CAMKMT: variants seen among roughly 807,000 people sequenced by gnomAD.
CAMKMT encodes the protein CaM KMT.
In CAMKMT, 53 loss-of-function variants were observed where a neutral mutation model predicts 48.0. The ratio of observed to expected loss-of-function variants is 1.10; its 90% CI spans 0.89 to 1.39. The LOEUF (loss-of-function observed/expected upper bound fraction) is 1.39, where lower values mean the gene tolerates loss of function less well. CAMKMT is among the 40% of genes most tolerant of loss of function. The pLI is 0.00. For missense variants in CAMKMT, 428 were observed against 402.7 expected (o/e 1.06, Z -0.54); for synonymous variants, 165 against 152.3 (o/e 1.08, Z -0.61).
At position 44,772,187 on chromosome 2, in the gene CAMKMT, A is replaced by C; in HGVS notation, c.*74A>C. 3 of 1,300,920 alleles carry C rather than the reference A, an allele frequency of 2.3e-6. No homozygotes were observed. The highest frequency in any genetic ancestry group is 3.3e-6 in the Non-Finnish European group (3 of 903,320). The allele number at this position is 1,300,920 out of a possible 1,614,324, so 80.6% of individuals were successfully genotyped here. A position where few individuals can be genotyped will look rare whatever the true frequency, so the allele number is the denominator to read the frequency against. On this transcript the variant is annotated 3_prime_UTR_variant, in exon 11 of 11. Transcript: ENST00000378494. The stretch of plus-strand genomic sequence containing the variant: ...TATTTTTACAAAAACGGAAATCTGT[A>C]AGGGGTATAATCGCCTGCCTGCGCC...
chr2:44,549,590 C>T, intron 3 of CAMKMT: 1 of 688,104 alleles, frequency 1.5e-6, no homozygotes, highest in East Asian at 2.7e-5. Flanking sequence ...GGCTGGAGTG[C>T]AGTGGTGATC....
chr2:44,662,447 G>A (rs1674732436), intron 3 of CAMKMT, among the ~76,000 whole-genome samples: 1 of 152,184 alleles, frequency 6.6e-6, no homozygotes, highest in Non-Finnish European at 1.5e-5. Context: ...AATGGAAATT[G>A]TGTCTTAGTC....
intron 3 of CAMKMT, among the ~76,000 whole-genome samples, chr2:44,492,824 G>T (rs1669572731): frequency 6.6e-6 from 1 of 151,638 alleles, no homozygotes; most frequent in Non-Finnish European, 1.5e-5. Context: ...TACTGTAGCA[G>T]AATATGCTTC....
intron 3 of CAMKMT, among the ~76,000 whole-genome samples, chr2:44,646,486 A>G (rs1673740665): frequency 6.6e-6 from 1 of 152,168 alleles, no homozygotes; most frequent in African/African-American, 2.4e-5. Flanking sequence ...TCTGAAGCTG[A>G]ATTAGTACTG....
intron 3 of CAMKMT, among the ~76,000 whole-genome samples, chr2:44,510,136 G>C (rs184018210): frequency 6.6e-6 from 1 of 152,254 alleles, no homozygotes; most frequent in Non-Finnish European, 1.5e-5. Context: ...AATTTCACCA[G>C]AATTTTAGTT....
At chr2:44,615,717 T>C (rs1671852364) in intron 3 of CAMKMT, among the ~76,000 whole-genome samples, 1 of 152,144 alleles carries the variant, frequency 6.6e-6, no homozygotes, top group African/African-American at 2.4e-5. Context: ...AATGTGTTTT[T>C]TTAACCACAC....
At chr2:44,753,808 C>T (rs1045742316) in intron 8 of CAMKMT, among the ~76,000 whole-genome samples, 2 of 152,216 alleles carry the variant, frequency 1.3e-5, no homozygotes, top group African/African-American at 4.8e-5. Context: ...GTAACATTAA[C>T]ACATGGCCCA....
intron 2 of CAMKMT, among the ~76,000 whole-genome samples, chr2:44,377,477 A>C (rs1335477235): frequency 6.6e-6 from 1 of 152,208 alleles, no homozygotes; most frequent in Non-Finnish European, 1.5e-5. Context: ...CTTGCTGTGT[A>C]GATACAAGAA....
At chr2:44,427,498 C>G (rs1684348725) in intron 3 of CAMKMT, among the ~76,000 whole-genome samples, 1 of 152,088 alleles carries the variant, frequency 6.6e-6, no homozygotes, top group South Asian at 2.1e-4. Flanking sequence ...AGGACACGAA[C>G]AGATACTTCT....
intron 3 of CAMKMT, among the ~76,000 whole-genome samples, chr2:44,403,683 T>C (rs1042155548): frequency 1.3e-5 from 2 of 152,212 alleles, no homozygotes; most frequent in African/African-American, 4.8e-5. Context: ...CTAACATCTT[T>C]AGCTGCCATC....
At chr2:44,428,448 A>C (rs1684421257) in intron 3 of CAMKMT, among the ~76,000 whole-genome samples, 1 of 152,146 alleles carries the variant, frequency 6.6e-6, no homozygotes, top group South Asian at 2.1e-4. Context: ...GGCACATGAT[A>C]GGAAGTGTGG....
chr2:44,601,655 CTCTT>C (rs760410751), intron 3 of CAMKMT, among the ~76,000 whole-genome samples: 1 of 151,276 alleles, frequency 6.6e-6, no homozygotes, highest in South Asian at 2.1e-4. Context: ...GGTAAATAAA[CTCTT>C]TCTTACTATT....
chr2:44,619,461 G>GTA (rs1447677004), intron 3 of CAMKMT, among the ~76,000 whole-genome samples: 1 of 104,356 alleles, frequency 9.6e-6, no homozygotes, highest in Non-Finnish European at 2.3e-5. Context: ...CTGATTATGT[G>GTA]TGTATATATA....
At chr2:44,480,737 C>G (rs1668924348) in intron 3 of CAMKMT, among the ~76,000 whole-genome samples, 1 of 151,878 alleles carries the variant, frequency 6.6e-6, no homozygotes, top group Admixed American at 6.6e-5. Context: ...AACTGTTACT[C>G]TTTTGGAGCT....
intron 3 of CAMKMT, among the ~76,000 whole-genome samples, chr2:44,488,460 T>C (rs1223149): frequency 0.82 from 124,801 of 152,168 alleles, 51,305 homozygotes; most frequent in South Asian, 0.88. Context: ...GCCAAGATTG[T>C]GCCATTGCAC....
At chr2:44,421,172 A>T (rs1683912885) in intron 3 of CAMKMT, among the ~76,000 whole-genome samples, 1 of 152,148 alleles carries the variant, frequency 6.6e-6, no homozygotes, top group African/African-American at 2.4e-5. Context: ...GACTTGACTA[A>T]TGTCTCCTCA....
chr2:44,659,771 T>C (rs933571326), intron 3 of CAMKMT, among the ~76,000 whole-genome samples: 2 of 152,122 alleles, frequency 1.3e-5, no homozygotes, highest in Non-Finnish European at 2.9e-5. Flanking sequence ...ACAATAACAC[T>C]AAGATGATAT....
intron 3 of CAMKMT, among the ~76,000 whole-genome samples, chr2:44,546,702 C>A (rs1026388875): frequency 1.3e-5 from 2 of 152,188 alleles, no homozygotes; most frequent in Non-Finnish European, 2.9e-5. Context: ...TCTCTTTTCA[C>A]TTAGCATAGT....
chr2:44,715,128 G>A (rs1374746014), intron 6 of CAMKMT, among the ~76,000 whole-genome samples, 159 bp from the exon 7 acceptor site: 2 of 151,374 alleles, frequency 1.3e-5, no homozygotes, highest in Non-Finnish European at 2.9e-5. Flanking sequence ...AGGAGGTAGA[G>A]GGTGCAGTGA....
Sources: gnomAD v4.1 joint callset for allele counts (sites outside exome capture counted in the v4.1 genomes callset) on GRCh38, gnomAD v4.1.1 for gene constraint, MANE v1.5 for transcripts, NCBI Gene and HGNC (gene_info 2026-07-23, HGNC 2026-07-21) for gene names.